The following ARHGAP15 variants were observed in gnomAD, a reference collection of about 807,000 sequenced individuals.
ARHGAP15 encodes rho GTPase-activating protein 15.
In ARHGAP15, 51 loss-of-function variants were observed where a neutral mutation model predicts 63.7. The ratio of observed to expected loss-of-function variants is 0.80; its 90% CI spans 0.64 to 1.01. The LOEUF is 1.01. Ranked by LOEUF, ARHGAP15 falls within the 50% of genes least tolerant of loss-of-function variation. ARHGAP15 has a pLI of 0.00. For missense variants in ARHGAP15, 560 were observed against 564.6 expected (o/e 0.99, Z 0.08); for synonymous variants, 191 against 193.8 (o/e 0.99, Z 0.12).
At chr2:143,689,398 G>C (rs928881993) in intron 12 of ARHGAP15, among the ~76,000 whole-genome samples, 3 of 152,002 alleles carry the variant, frequency 2.0e-5, no homozygotes, top group Admixed American at 6.6e-5. Context: ...TAATTGTCTA[G>C]CAGTTACTGT....
intron 2 of ARHGAP15, among the ~76,000 whole-genome samples, chr2:143,200,502 T>A (rs1045384648): frequency 6.6e-6 from 1 of 151,968 alleles, no homozygotes; most frequent in Non-Finnish European, 1.5e-5. Context: ...GACATAGTAC[T>A]CAGGTCTGCT....
chr2:143,726,869 T>C (rs1400090330), intron 13 of ARHGAP15, among the ~76,000 whole-genome samples: 1 of 152,214 alleles, frequency 6.6e-6, no homozygotes, highest in African/African-American at 2.4e-5. Context: ...CCACCTACTT[T>C]GTTTGCTGTC....
chr2:143,524,823 C>T (rs1025624488), intron 10 of ARHGAP15, among the ~76,000 whole-genome samples: 11 of 152,130 alleles, frequency 7.2e-5, no homozygotes, highest in Non-Finnish European at 1.5e-4. Flanking sequence ...GAATATTTGC[C>T]ATATACATGT....
chr2:143,754,721 C>T (rs1048480098), intron 13 of ARHGAP15, among the ~76,000 whole-genome samples: 2 of 152,200 alleles, frequency 1.3e-5, no homozygotes, highest in African/African-American at 2.4e-5. Flanking sequence ...TCATCAAAGT[C>T]TCACCTTTCC....
chr2:143,184,964 C>T (rs189830572), intron 2 of ARHGAP15, among the ~76,000 whole-genome samples: 4 of 151,710 alleles, frequency 2.6e-5, no homozygotes, highest in Non-Finnish European at 4.4e-5. Flanking sequence ...AATACAGGCT[C>T]AGCCAACACA....
chr2:143,682,640 A>G (rs927725588), intron 12 of ARHGAP15: 1 of 152,168 alleles, frequency 6.6e-6, no homozygotes, highest in African/African-American at 2.4e-5. Flanking sequence ...TTGCTCCAGG[A>G]TATCTTCCAA....
chr2:143,517,189 C>A (rs1240734280), intron 9 of ARHGAP15, among the ~76,000 whole-genome samples: 1 of 152,102 alleles, frequency 6.6e-6, no homozygotes, highest in Admixed American at 6.5e-5. Context: ...CCTCATGATC[C>A]GCCCACCTCA....
chr2:143,702,297 T>G (rs192938381), intron 12 of ARHGAP15, among the ~76,000 whole-genome samples: 1 of 152,192 alleles, frequency 6.6e-6, no homozygotes, highest in Non-Finnish European at 1.5e-5. Context: ...AGTAAATCAA[T>G]TTTTACTTTT....
At chr2:143,606,569 G>T (rs13388683) in intron 11 of ARHGAP15, among the ~76,000 whole-genome samples, 1 of 152,120 alleles carries the variant, frequency 6.6e-6, no homozygotes, top group Non-Finnish European at 1.5e-5. Flanking sequence ...ATGGGAAAAC[G>T]TGAGCAATGT....
chr2:143,336,796 A>C (rs542485243), intron 6 of ARHGAP15, among the ~76,000 whole-genome samples: 2 of 152,292 alleles, frequency 1.3e-5, no homozygotes, highest in East Asian at 3.9e-4. Flanking sequence ...TTGTGTTTGA[A>C]GAAGACTTTC....
In ARHGAP15 at chr2:143,527,489, A is replaced by T. The variant is rs1221797820; in HGVS notation, c.925+8125A>T. On this transcript the variant is annotated intron_variant, in intron 10 of 13. Transcript: ENST00000295095. ...CCTATTTTTGGTTCAGAAAAAAAAA[A>T]TGGAAAAAATCAAGGGCTGGACACT... Among the ~76,000 whole-genome samples, 13 of 151,818 alleles carry T rather than the reference A, an allele frequency of 8.6e-5. No individual in the cohort carries two copies. The South Asian group carries it at 2.5e-3, about 29-fold the overall frequency.
chr2:143,591,399 G>T (rs1472355536), intron 11 of ARHGAP15, among the ~76,000 whole-genome samples: 1 of 152,146 alleles, frequency 6.6e-6, no homozygotes, highest in Non-Finnish European at 1.5e-5. Flanking sequence ...GAATCACAGT[G>T]GTTTGGGGTA....
chr2:143,473,670 G>A (rs1319078715), intron 8 of ARHGAP15, among the ~76,000 whole-genome samples: 3 of 152,112 alleles, frequency 2.0e-5, no homozygotes, highest in South Asian at 2.1e-4. Flanking sequence ...GGATGTGTGC[G>A]CACTGCCTCA....
At chr2:143,386,070 T>C (rs975865537) in intron 6 of ARHGAP15, among the ~76,000 whole-genome samples, 6 of 152,144 alleles carry the variant, frequency 3.9e-5, no homozygotes, top group Admixed American at 3.3e-4. Context: ...GCATAAAGAA[T>C]GAATAGTTTC....
intron 11 of ARHGAP15, among the ~76,000 whole-genome samples, chr2:143,578,961 G>T (rs576749082): frequency 6.6e-6 from 1 of 152,118 alleles, no homozygotes; most frequent in Admixed American, 6.6e-5. Context: ...ACACTACAAA[G>T]TTCTTATTTT....
rs1411296536 is a variant in ARHGAP15, at chr2:143,295,722, G to A, written c.474+45122G>A. 7 of 151,896 alleles carry A rather than the reference G, an allele frequency of 4.6e-5. No homozygotes were observed. The East Asian group carries it at 1.4e-3, about 29-fold the overall frequency. 9.4% of individuals were successfully genotyped at this position (151,896 alleles called of 1,614,324 possible). On this transcript the variant is annotated intron_variant, in intron 6 of 13. Coordinates refer to ENST00000295095, the MANE Select transcript of ARHGAP15 (RefSeq NM_018460.4). ...CAAGCAATTTTAGGAATTAGTGAGA[G>A]TTACATCTTTATCCATTTTTACTTT... is the stretch of plus-strand genomic sequence containing the variant.
At chr2:143,709,097 G>T (rs1429927180) in intron 13 of ARHGAP15, among the ~76,000 whole-genome samples, 2 of 152,142 alleles carry the variant, frequency 1.3e-5, no homozygotes, top group African/African-American at 4.8e-5. Context: ...TATTGCTGAA[G>T]TCTTTTTCCA....
chr2:143,678,830 GTTAA>G (rs1427399746), intron 12 of ARHGAP15, among the ~76,000 whole-genome samples: 2 of 152,094 alleles, frequency 1.3e-5, no homozygotes, highest in Admixed American at 6.6e-5. Context: ...TAGTATCGAT[GTTAA>G]TTATTTTTCC....
At position 143,759,055 on chromosome 2, in the gene ARHGAP15, T is replaced by C. The variant is rs373838764; in HGVS notation, c.1245-8934T>C. 3.2e-4 allele frequency among the ~76,000 whole-genome samples: 49 copies of C among 152,320 alleles called. No homozygotes were observed. The East Asian group carries it at 3.3e-3, about 10-fold the overall frequency. On this transcript the variant is annotated intron_variant, in intron 13 of 13. Coordinates refer to ENST00000295095, the MANE Select transcript of ARHGAP15 (RefSeq NM_018460.4). Reference sequence around the variant, plus strand: ...CTAGATAATTCTTTGTCATCAGAGCTGCCTGTGCATTACAAAATGTTTAGC... The same window carrying C: ...CTAGATAATTCTTTGTCATCAGAGCCGCCTGTGCATTACAAAATGTTTAGC...
Sources: allele counts gnomAD v4.1 joint callset (sites outside exome capture counted in the v4.1 genomes callset), GRCh38; gene constraint gnomAD v4.1.1; transcripts MANE v1.5; gene names NCBI Gene and HGNC (gene_info 2026-07-23, HGNC 2026-07-21).